The following ETV6 variants were observed in gnomAD, a reference collection of about 807,000 sequenced individuals.
ETV6 encodes the protein transcription factor ETV6.
A neutral mutation model predicts 51.1 loss-of-function variants in ETV6; 16 were observed. The ratio of observed to expected loss-of-function variants is 0.31; its 90% CI spans 0.21 to 0.48. The LOEUF (loss-of-function observed/expected upper bound fraction) is 0.48. Among genes scored for constraint, ETV6 ranks in the 20% least tolerant of loss-of-function variants. The pLI is 0.99. For synonymous variants in ETV6, 240 were observed against 224.1 expected, an observed-to-expected ratio of 1.07 and a Z score of -0.64; for missense variants, 458 against 594.8, an observed-to-expected ratio of 0.77 and a Z score of 2.39.
At chr12:11,731,946 T>C (rs1865608037) in intron 1 of ETV6, among the ~76,000 whole-genome samples, 1 of 152,162 alleles carries the variant, frequency 6.6e-6, no homozygotes, top group Admixed American at 6.5e-5. Context: ...GTTTTAGTAC[T>C]GAAAACCCCA....
intron 2 of ETV6, chr12:11,825,797 G>C (rs939113543): frequency 6.8e-6 from 1 of 146,792 alleles, no homozygotes; most frequent in Non-Finnish European, 1.5e-5. Flanking sequence ...TTTCCATTAA[G>C]TTAGCAATTC....
At chr12:11,762,495 C>T (rs891687230) in intron 2 of ETV6, among the ~76,000 whole-genome samples, 1 of 152,168 alleles carries the variant, frequency 6.6e-6, no homozygotes, top group African/African-American at 2.4e-5. Flanking sequence ...GTGGATGGGC[C>T]ACACTATCCT....
rs147890098 is a variant in ETV6, at chr12:11,715,580, G to A, written c.34-36870G>A. On this transcript the variant is annotated intron_variant, in intron 1 of 7. Transcript: ENST00000396373. ...CCAAACCCAGGTGTGTCCCAGCTAC[G>A]CTGTGCCATCTACTCCTCTGCCCTG... is the stretch of plus-strand genomic sequence containing the variant. 7.9e-5 allele frequency among the ~76,000 whole-genome samples: 12 copies of A among 152,342 alleles called. No homozygotes were observed. In the East Asian group the frequency reaches 1.3e-3, roughly 17 times the overall value.
chr12:11,691,158 T>A (rs1391926632), intron 1 of ETV6, among the ~76,000 whole-genome samples: 1 of 152,072 alleles, frequency 6.6e-6, no homozygotes, highest in Non-Finnish European at 1.5e-5. Flanking sequence ...GCCTCTTTTA[T>A]ACGAACCTAA....
In ETV6 at chr12:11,724,599, G is replaced by A. The variant is rs1591633042; in HGVS notation, c.34-27851G>A. Reference sequence around the variant, plus strand: ...ACAAGTAAGGCCTAGTCTTCAGGAAGCCTTTATTTGTGCTCTGTGTATCAG... The same window carrying A: ...ACAAGTAAGGCCTAGTCTTCAGGAAACCTTTATTTGTGCTCTGTGTATCAG... On this transcript the variant is annotated intron_variant, in intron 1 of 7. Coordinates refer to ENST00000396373, the MANE Select transcript of ETV6 (RefSeq NM_001987.5). Among the ~76,000 whole-genome samples the A allele has an allele frequency of 2.6e-5, 4 of 152,196 alleles. No individual in the cohort carries two copies. In the South Asian group the frequency reaches 8.3e-4, roughly 31 times the overall value.
intron 1 of ETV6, among the ~76,000 whole-genome samples, chr12:11,737,855 C>T (rs951333296): frequency 2.6e-5 from 4 of 152,206 alleles, no homozygotes; most frequent in Non-Finnish European, 5.9e-5. Flanking sequence ...AGACTCAGAT[C>T]TGCCCCTGCC....
intron 2 of ETV6, among the ~76,000 whole-genome samples, chr12:11,828,372 TAAAG>T (rs1177295785): frequency 6.6e-6 from 1 of 152,162 alleles, no homozygotes; most frequent in Non-Finnish European, 1.5e-5. Context: ...GCGTTTCAAA[TAAAG>T]AAATGACAGC....
intron 2 of ETV6, among the ~76,000 whole-genome samples, chr12:11,829,388 T>TA (rs1234934691): frequency 2.0e-5 from 3 of 152,204 alleles, no homozygotes; most frequent in African/African-American, 7.2e-5. Context: ...GACTCCATCT[T>TA]ACCGCTGGAG....
chr12:11,824,040 C>T (rs1170860543), intron 2 of ETV6, among the ~76,000 whole-genome samples: 1 of 152,208 alleles, frequency 6.6e-6, no homozygotes, highest in African/African-American at 2.4e-5. Flanking sequence ...CAGCGATTCA[C>T]TAGGAGAACC....
At chr12:11,831,514 C>G (rs1235652264) in intron 2 of ETV6, among the ~76,000 whole-genome samples, 1 of 152,202 alleles carries the variant, frequency 6.6e-6, no homozygotes, top group African/African-American at 2.4e-5. Flanking sequence ...TGTGAGCCAC[C>G]ACACCCAGCC....
intron 1 of ETV6, among the ~76,000 whole-genome samples, chr12:11,731,908 G>A (rs201985323): frequency 9.9e-5 from 15 of 152,124 alleles, no homozygotes; most frequent in Non-Finnish European, 1.9e-4. Flanking sequence ...TAGGGTAACC[G>A]GCTTGTCCCA....
Position 11,712,293 on chromosome 12 carries a change from C to G in ETV6, c.34-40157C>G, listed in dbSNP as rs545501506. On this transcript the variant is annotated intron_variant, in intron 1 of 7. Coordinates refer to ENST00000396373, the MANE Select transcript of ETV6 (RefSeq NM_001987.5). ...GATAAAATTGCAATTACAAACATTT[C>G]ATGTGTGGTCAGATTTTTAGTATTT... 1.4e-4 allele frequency among the ~76,000 whole-genome samples: 22 copies of G among 152,298 alleles called. No homozygotes were observed. The South Asian group carries it at 4.4e-3, about 30-fold the overall frequency.
intron 5 of ETV6, among the ~76,000 whole-genome samples, chr12:11,872,522 G>C (rs1946896694): frequency 7.1e-6 from 1 of 140,726 alleles, no homozygotes; most frequent in South Asian, 2.2e-4. Context: ...TTTTGAGACA[G>C]AGTCTCTGTC....
intron 1 of ETV6, among the ~76,000 whole-genome samples, chr12:11,746,120 T>G (rs1378296220): frequency 6.6e-6 from 1 of 152,142 alleles, no homozygotes; most frequent in Non-Finnish European, 1.5e-5. Flanking sequence ...CTCTGTTGAG[T>G]CACCCTCAAG....
At chr12:11,733,587 C>G (rs1300744186) in intron 1 of ETV6, among the ~76,000 whole-genome samples, 1 of 152,056 alleles carries the variant, frequency 6.6e-6, no homozygotes, top group African/African-American at 2.4e-5. Flanking sequence ...TGAGTGGGTG[C>G]TGATGAAATA....
chr12:11,841,228 C>T lies in ETV6; in HGVS notation c.328+1924C>T, dbSNP rs949439425. On this transcript the variant is annotated intron_variant, in intron 3 of 7. Coordinates refer to ENST00000396373, the MANE Select transcript of ETV6 (RefSeq NM_001987.5). ...GAACAAAGATACGTGAAAATCTGTCCGCAGTTCCTTGCCACTTTGTCGAGT... is the reference window on the plus strand; with the variant it reads ...GAACAAAGATACGTGAAAATCTGTCTGCAGTTCCTTGCCACTTTGTCGAGT... 2.6e-5 allele frequency among the ~76,000 whole-genome samples: 4 copies of T among 152,174 alleles called. No homozygotes were observed. The South Asian group carries it at 6.2e-4, about 24-fold the overall frequency.
intron 1 of ETV6, among the ~76,000 whole-genome samples, chr12:11,738,281 C>G (rs11054436): frequency 1.4e-5 from 2 of 143,142 alleles, no homozygotes; most frequent in African/African-American, 5.2e-5. Flanking sequence ...CTCTTTCTCT[C>G]TCTCTCTGTT....
At chr12:11,851,521 A>G (rs1467595375) in intron 3 of ETV6, among the ~76,000 whole-genome samples, 1 of 152,224 alleles carries the variant, frequency 6.6e-6, no homozygotes, top group African/African-American at 2.4e-5. Context: ...TTTGGATTCA[A>G]TGAATTCCGA....
At chr12:11,714,649 GAAAAAAAAAA>G (rs10709538) in intron 1 of ETV6, among the ~76,000 whole-genome samples, 1 of 87,090 alleles carries the variant, frequency 1.1e-5, no homozygotes, top group Non-Finnish European at 2.2e-5. Context: ...ACCTTGAGGT[GAAAAAAAAAA>G]AAAAAAAAAA....
Sources: gnomAD v4.1 joint callset for allele counts (sites outside exome capture counted in the v4.1 genomes callset) on GRCh38, gnomAD v4.1.1 for gene constraint, MANE v1.5 for transcripts, NCBI Gene and HGNC (gene_info 2026-07-23, HGNC 2026-07-21) for gene names.